Variants in CST8 observed in about 807,000 individuals in gnomAD.
CST8 encodes cystatin 8.
Under a neutral mutation model 11.8 loss-of-function variants are expected in CST8, and 20 were observed. The ratio of observed to expected loss-of-function variants is 1.70; its 90% CI spans 1.20 to 2.47. The LOEUF is 2.47. Among genes scored for constraint, CST8 ranks in the 30% most tolerant of loss-of-function variants. CST8 has a pLI of 0.00. For synonymous variants in CST8, 77 were observed against 63.1 expected (o/e 1.22, Z -1.05); for missense variants, 196 against 167.2 (o/e 1.17, Z -0.95).
chr20:23,501,856 G>T, the CST8 span, among the ~76,000 whole-genome samples: 2 of 152,200 alleles, frequency 1.3e-5, no homozygotes, highest in Admixed American at 1.3e-4. Context: ...CAGATTCCTT[G>T]TTTTTAATAA....
downstream of CST8, among the ~76,000 whole-genome samples, chr20:23,500,236 G>C (rs1377373048): frequency 6.6e-6 from 1 of 152,140 alleles, no homozygotes; most frequent in Non-Finnish European, 1.5e-5. Flanking sequence ...ATGAGACTTG[G>C]AAGGGACAAA....
chr20:23,494,766 C>T (rs1311956642), intron 3 of CST8, among the ~76,000 whole-genome samples: 4 of 152,084 alleles, frequency 2.6e-5, no homozygotes, highest in Non-Finnish European at 5.9e-5. Context: ...ATGTTAGGCC[C>T]TAGAATTTTC....
chr20:23,491,645 C>A lies in CST8; in HGVS notation c.-23C>A, dbSNP rs1321192073. 1.3e-6 allele frequency: 2 copies of A among 1,590,880 alleles called. No homozygotes were observed. Among genetic ancestry groups the A allele is most frequent in the East Asian group, 2.2e-5 (1 of 44,724 alleles). ...CTGAGACGACGAGGAGGAGAGTCGA[C>A]TTTGCCTCTTGCCCAAGGGACCATG... On this transcript the variant is annotated 5_prime_UTR_variant, in exon 2 of 4. Coordinates refer to ENST00000246012, the MANE Select transcript of CST8 (RefSeq NM_005492.4).
chr20:23,498,290 G>T (rs973733149), downstream of CST8, among the ~76,000 whole-genome samples: 4 of 152,094 alleles, frequency 2.6e-5, no homozygotes, highest in African/African-American at 7.2e-5. Context: ...TATGTATTTT[G>T]CCATAATTAA....
At chr20:23,499,250 A>T (rs1864523998), downstream of CST8, among the ~76,000 whole-genome samples, 1 of 152,196 alleles carries the variant, frequency 6.6e-6, no homozygotes, top group Non-Finnish European at 1.5e-5. Flanking sequence ...TTCTATTTAT[A>T]TTAAAATTTT....
At chr20:23,501,439 C>T in the CST8 span, among the ~76,000 whole-genome samples, 1 of 152,252 alleles carries the variant, frequency 6.6e-6, no homozygotes, top group South Asian at 2.1e-4. Flanking sequence ...TCCCTCCCTC[C>T]CTCTGCCCCA....
intron 3 of CST8, among the ~76,000 whole-genome samples, chr20:23,493,793 C>CCTGT (rs1987962919): frequency 6.6e-6 from 1 of 152,200 alleles, no homozygotes; most frequent in African/African-American, 2.4e-5. Flanking sequence ...CATCACTGTC[C>CCTGT]CTGTCTTTAC....
intron 2 of CST8, among the ~76,000 whole-genome samples, chr20:23,492,276 T>A (rs1322996976): frequency 2.0e-5 from 3 of 152,182 alleles, no homozygotes; most frequent in African/African-American, 4.8e-5. Context: ...CTGTAATCCT[T>A]TAATGCCAGA....
At chr20:23,498,032 T>TAG (rs371962912), downstream of CST8, among the ~76,000 whole-genome samples, 3 of 150,756 alleles carry the variant, frequency 2.0e-5, no homozygotes, top group African/African-American at 7.3e-5. Context: ...TGTGTGTGTG[T>TAG]AGAGAGAGAG....
At chr20:23,506,370 C>T in the CST8 span, among the ~76,000 whole-genome samples, 463 of 152,174 alleles carry the variant, frequency 3.0e-3, 6 homozygotes, top group African/African-American at 0.011. Context: ...GGACAGTGAC[C>T]GAGGTCCACA....
At chr20:23,500,976 C>T (rs1391317411), downstream of CST8, among the ~76,000 whole-genome samples, 1 of 152,210 alleles carries the variant, frequency 6.6e-6, no homozygotes, top group East Asian at 1.9e-4. Flanking sequence ...CGTTACTTAA[C>T]AGGCCTACTG....
the CST8 span, among the ~76,000 whole-genome samples, chr20:23,503,505 T>G: frequency 6.6e-6 from 1 of 152,094 alleles, no homozygotes; most frequent in South Asian, 2.1e-4. Context: ...CAACAAAACA[T>G]ACTCTAAGAC....
chr20:23,493,750 G>T (rs117888587), intron 3 of CST8, among the ~76,000 whole-genome samples: 1 of 152,144 alleles, frequency 6.6e-6, no homozygotes, highest in Non-Finnish European at 1.5e-5. Context: ...ACAGATGAAG[G>T]CCTGAGCATT....
chr20:23,498,857 G>A (rs924799174), downstream of CST8, among the ~76,000 whole-genome samples: 5 of 152,044 alleles, frequency 3.3e-5, no homozygotes, highest in Admixed American at 1.3e-4. Flanking sequence ...TTGCCCTCCC[G>A]TCCCTCTACC....
chr20:23,500,678 CCT>C (rs1261169862), downstream of CST8, among the ~76,000 whole-genome samples: 1 of 151,618 alleles, frequency 6.6e-6, no homozygotes, highest in African/African-American at 2.4e-5. Context: ...GGACGGTGCC[CCT>C]GAGAGTGTGG....
At chr20:23,500,806 G>A (rs997737763), downstream of CST8, among the ~76,000 whole-genome samples, 1 of 151,024 alleles carries the variant, frequency 6.6e-6, no homozygotes, top group African/African-American at 2.4e-5. Flanking sequence ...GGCTCTGGGG[G>A]ACTCACTTGT....
At chr20:23,502,587 A>T in the CST8 span, among the ~76,000 whole-genome samples, 2 of 152,228 alleles carry the variant, frequency 1.3e-5, no homozygotes, top group East Asian at 3.8e-4. Flanking sequence ...GGGGTCAGTG[A>T]TGATGCTTCT....
At chr20:23,500,722 G>A (rs1414131558), downstream of CST8, among the ~76,000 whole-genome samples, 2 of 148,356 alleles carry the variant, frequency 1.3e-5, no homozygotes, top group African/African-American at 2.5e-5. Flanking sequence ...AGTGCCCTCC[G>A]CTGATTCTTT....
At chr20:23,499,044 C>T (rs966324247), downstream of CST8, among the ~76,000 whole-genome samples, 1 of 152,102 alleles carries the variant, frequency 6.6e-6, no homozygotes, top group African/African-American at 2.4e-5. Context: ...AATTGTCTTT[C>T]CTGATAGATA....
Sources: gnomAD v4.1 joint callset for allele counts (sites outside exome capture counted in the v4.1 genomes callset) on GRCh38, gnomAD v4.1.1 for gene constraint, MANE v1.5 for transcripts, NCBI Gene and HGNC (gene_info 2026-07-23, HGNC 2026-07-21) for gene names.